POLK: variants seen among roughly 807,000 people sequenced by gnomAD.
POLK encodes polymerase (DNA directed) kappa.
Under a neutral mutation model 94.0 loss-of-function variants are expected in POLK, and 76 were observed. The observed-to-expected ratio is 0.81, with a 90% confidence interval of 0.67 to 0.98. The LOEUF (loss-of-function observed/expected upper bound fraction) is 0.98. Among genes scored for constraint, POLK ranks in the 50% least tolerant of loss-of-function variants. The pLI is 0.00. For synonymous variants in POLK, 349 were observed against 325.4 expected, an observed-to-expected ratio of 1.07 and a Z score of -0.78; for missense variants, 954 against 1,010.1, an observed-to-expected ratio of 0.94 and a Z score of 0.75.
intron 1 of POLK, among the ~76,000 whole-genome samples, chr5:75,530,446 C>G (rs1769118553): frequency 8.9e-6 from 1 of 112,920 alleles, no homozygotes; most frequent in African/African-American, 3.4e-5. Context: ...ACTTTGTCAT[C>G]CAGGCTGGAG....
At chr5:75,581,975 G>C in intron 7 of POLK, 1 of 980,454 alleles carries the variant, frequency 1.0e-6, no homozygotes, top group Non-Finnish European at 1.2e-6. Flanking sequence ...CACCGCGCCC[G>C]ACTCATAAAT....
chr5:75,524,111 C>T (rs1173292380), intron 1 of POLK, among the ~76,000 whole-genome samples: 2 of 149,470 alleles, frequency 1.3e-5, no homozygotes, highest in Admixed American at 1.3e-4. Flanking sequence ...GCCTGGGTGA[C>T]GAGTGAGACT....
exon 1 of POLK, chr5:75,511,791 A>G (rs748340498): frequency 1.5e-4 from 232 of 1,551,388 alleles, no homozygotes; most frequent in Non-Finnish European, 1.9e-4. Context: ...CGGGTAGAAA[A>G]GCAGGAGGAG....
At chr5:75,512,688 T>A (rs1204197478) in intron 1 of POLK, 1 of 152,234 alleles carries the variant, frequency 6.6e-6, no homozygotes, top group Non-Finnish European at 1.5e-5. Flanking sequence ...GACTTTGACT[T>A]TGTAGCTTCA....
At chr5:75,609,938 A>G in the POLK span, 2 of 152,372 alleles carry the variant, frequency 1.3e-5, no homozygotes, top group East Asian at 3.9e-4. Context: ...TTAAAATGAT[A>G]CATCTTTTGT....
chr5:75,566,913 C>T (rs193126668), intron 3 of POLK, among the ~76,000 whole-genome samples: 1 of 152,252 alleles, frequency 6.6e-6, no homozygotes, highest in Admixed American at 6.5e-5. Context: ...ACTTGAAAGT[C>T]ATTGGAAAAT....
In POLK at chr5:75,584,399, C is replaced by T. The variant is rs140231491; in HGVS notation, c.1060-361C>T. 1.1e-3 allele frequency among the ~76,000 whole-genome samples: 165 copies of T among 152,016 alleles called. 1 individual carries two copies. In the East Asian group the frequency reaches 0.027, roughly 25 times the overall value. ...TAGTCACATTATTCATACCTTTTATCGATGATAAAAGATATAATGAGCACT... is the reference window on the plus strand; with the variant it reads ...TAGTCACATTATTCATACCTTTTATTGATGATAAAAGATATAATGAGCACT... On this transcript the variant is annotated intron_variant, in intron 8 of 14. Coordinates refer to ENST00000241436, the Ensembl canonical transcript of POLK.
chr5:75,563,885 A>G (rs556696927), intron 3 of POLK, among the ~76,000 whole-genome samples: 1 of 152,284 alleles, frequency 6.6e-6, no homozygotes, highest in East Asian at 1.9e-4. Context: ...TTTGGGGTGG[A>G]AAGTTCTGTA....
At chr5:75,530,396 C>CTTTTTTTTTTTTTTTTTTTTTTTTT (rs201266079) in intron 1 of POLK, among the ~76,000 whole-genome samples, 1 of 61,618 alleles carries the variant, frequency 1.6e-5, no homozygotes, top group Non-Finnish European at 3.2e-5. Context: ...TTCCCTTTTT[C>CTTTTTTTTTTTTTTTTTTTTTTTTT]TTTTTTTTTT....
exon 1 of POLK, chr5:75,511,850 GA>G: frequency 6.5e-7 from 1 of 1,544,278 alleles, no homozygotes; most frequent in South Asian, 1.2e-5. Context: ...TGCATTCTGG[GA>G]AGGGCGTTGG....
intron 11 of POLK, among the ~76,000 whole-genome samples, chr5:75,592,983 G>T (rs2112876287): frequency 6.6e-6 from 1 of 152,146 alleles, no homozygotes; most frequent in East Asian, 1.9e-4. Flanking sequence ...ATGAGCCTGG[G>T]AGGTCAAAGC....
At chr5:75,575,401 A>T (rs368262063) in intron 5 of POLK, among the ~76,000 whole-genome samples, 1 of 152,260 alleles carries the variant, frequency 6.6e-6, no homozygotes, top group African/African-American at 2.4e-5. Context: ...GGCTAGGCTT[A>T]AACTCCTGGC....
chr5:75,546,297 A>G (rs1770015307), intron 1 of POLK, among the ~76,000 whole-genome samples: 1 of 152,228 alleles, frequency 6.6e-6, no homozygotes, highest in East Asian at 1.9e-4. Context: ...TATATTTATT[A>G]TTCATTAAGT....
At chr5:75,539,438 C>A (rs910128941) in intron 1 of POLK, among the ~76,000 whole-genome samples, 2 of 152,036 alleles carry the variant, frequency 1.3e-5, no homozygotes, top group Admixed American at 1.3e-4. Flanking sequence ...ACTGTTATTG[C>A]GGTCTTTGAG....
upstream of POLK, chr5:75,511,675 C>T: frequency 1.3e-6 from 2 of 1,522,918 alleles, no homozygotes; most frequent in East Asian, 2.5e-5. Context: ...TCCTCCCATT[C>T]TCCCCCACTA....
chr5:75,589,486 T>C (rs1352590280), intron 10 of POLK, among the ~76,000 whole-genome samples: 1 of 151,858 alleles, frequency 6.6e-6, no homozygotes, highest in East Asian at 1.9e-4. Flanking sequence ...AGTCTCGCTC[T>C]GTCGCCCAGG....
At chr5:75,593,772 G>T (rs1772913509) in intron 11 of POLK, 106 bp from the exon 12 acceptor site, 1 of 571,394 alleles carries the variant, frequency 1.8e-6, no homozygotes, top group Non-Finnish European at 2.9e-6. Context: ...GAACCCAGAA[G>T]TTGAAGGCTG....
intron 12 of POLK, 143 bp from the exon 13 acceptor site, chr5:75,596,079 T>C (rs1018337011): frequency 3.0e-5 from 18 of 590,850 alleles, no homozygotes; most frequent in Admixed American, 1.6e-4. Context: ...TCTGTACTTA[T>C]AATACCAGCT....
At chr5:75,570,281 A>T (rs1771521976) in intron 4 of POLK, among the ~76,000 whole-genome samples, 1 of 152,214 alleles carries the variant, frequency 6.6e-6, no homozygotes, top group Non-Finnish European at 1.5e-5. Flanking sequence ...GGCAAATTAA[A>T]TTTTTCCATA....
Sources: allele counts gnomAD v4.1 joint callset (sites outside exome capture counted in the v4.1 genomes callset), GRCh38; gene constraint gnomAD v4.1.1; transcripts MANE v1.5; gene names NCBI Gene and HGNC (gene_info 2026-07-23, HGNC 2026-07-21).